The following KANSL1L variants were observed in gnomAD, a reference collection of about 807,000 sequenced individuals.
KANSL1L encodes KAT8 regulatory NSL complex subunit 1 like, also known as KAT8 regulatory NSL complex subunit 1-like protein.
A neutral mutation model predicts 108.6 loss-of-function variants in KANSL1L; 25 were observed. That is an observed-to-expected ratio of 0.23 (90% CI 0.17 to 0.32). The LOEUF (loss-of-function observed/expected upper bound fraction) is 0.32. KANSL1L is among the 10% of genes least tolerant of loss of function. The pLI, the probability that KANSL1L is intolerant of heterozygous loss-of-function variation, is 1.00. For missense variants in KANSL1L, 1,137 were observed against 1,125.7 expected (o/e 1.01, Z -0.14); for synonymous variants, 405 against 395.1 (o/e 1.03, Z -0.30).
chr2:210,070,224 CTT>C (rs71043971), intron 6 of KANSL1L, among the ~76,000 whole-genome samples: 2 of 77,542 alleles, frequency 2.6e-5, no homozygotes, highest in African/African-American at 5.7e-5. Context: ...TTTCTCCGTT[CTT>C]TTTTTTTTTT....
chr2:210,146,962 G>A (rs531188631), intron 2 of KANSL1L, among the ~76,000 whole-genome samples: 5 of 152,190 alleles, frequency 3.3e-5, no homozygotes, highest in African/African-American at 1.2e-4. Context: ...AAAGTCTGTA[G>A]ATATAGAAGT....
At chr2:210,144,641 A>AT (rs2095253071) in intron 2 of KANSL1L, among the ~76,000 whole-genome samples, 1 of 152,120 alleles carries the variant, frequency 6.6e-6, no homozygotes, top group South Asian at 2.1e-4. Flanking sequence ...CAGCTCCAGA[A>AT]TTTCTGCCTA....
intron 1 of KANSL1L, among the ~76,000 whole-genome samples, chr2:210,162,722 A>AGAT (rs1190670104): frequency 7.0e-5 from 1 of 14,308 alleles, no homozygotes; most frequent in Non-Finnish European, 5.4e-3. Flanking sequence ...AAAACTGAAA[A>AGAT]GATCATCGAG....
In KANSL1L at chr2:210,044,375, T is replaced by C. The variant is rs1439328384; in HGVS notation, c.1756-271A>G. ...ATAATATATAGCTTCTTCTAGTCTTTGATTATCTAAACATACTAGCTGGGA... is the reference window on the plus strand; with the variant it reads ...ATAATATATAGCTTCTTCTAGTCTTCGATTATCTAAACATACTAGCTGGGA... On this transcript the variant is annotated intron_variant, in intron 6 of 14. Coordinates refer to ENST00000281772, the MANE Select transcript of KANSL1L (RefSeq NM_152519.4). This position sits in a 1 kb window ranked among gnomAD's most constrained non-coding sequence, Gnocchi z 4.2. 6.6e-6 allele frequency among the ~76,000 whole-genome samples: 1 copy of C among 152,200 alleles called. No homozygotes were observed. Among genetic ancestry groups the C allele is most frequent in the East Asian group, 1.9e-4 (1 of 5,184 alleles).
rs1317924642 is a variant in KANSL1L, at chr2:210,098,588, C to T, written c.1429-381G>A. ...GCCAGGCATTATATTAGGCACCACA[C>T]ATAGAATATTTCAATCTTTACAACT... is the stretch of plus-strand genomic sequence containing the variant. On this transcript the variant is annotated intron_variant, in intron 4 of 14. Transcript: ENST00000281772. Among the ~76,000 whole-genome samples the T allele has an allele frequency of 2.6e-5, 4 of 152,046 alleles. No individual in the cohort carries two copies. In the East Asian group the frequency reaches 5.8e-4, roughly 22 times the overall value.
At chr2:210,081,625 A>G (rs2094590411) in intron 5 of KANSL1L, among the ~76,000 whole-genome samples, 1 of 152,208 alleles carries the variant, frequency 6.6e-6, no homozygotes, top group Non-Finnish European at 1.5e-5. Context: ...TCCTTGCATC[A>G]GAAATTCCTG....
At chr2:210,071,842 T>C (rs923964847) in intron 6 of KANSL1L, among the ~76,000 whole-genome samples, 1 of 152,154 alleles carries the variant, frequency 6.6e-6, no homozygotes, top group African/African-American at 2.4e-5. Flanking sequence ...TTGTTTTTGC[T>C]TTTCAATATT....
chr2:210,125,047 A>C (rs1274797495), intron 3 of KANSL1L, among the ~76,000 whole-genome samples: 1 of 152,144 alleles, frequency 6.6e-6, no homozygotes, highest in Non-Finnish European at 1.5e-5. Context: ...TGAGGTCAGG[A>C]GTTTGAGACC....
intron 2 of KANSL1L, among the ~76,000 whole-genome samples, chr2:210,146,012 G>A (rs1403292177): frequency 1.3e-5 from 2 of 152,046 alleles, no homozygotes; most frequent in East Asian, 1.9e-4. Context: ...GGGGTAGAGG[G>A]TGCAACCACA....
chr2:210,114,531 T>A (rs1173784907), intron 3 of KANSL1L, among the ~76,000 whole-genome samples: 1 of 152,116 alleles, frequency 6.6e-6, no homozygotes, highest in African/African-American at 2.4e-5. Flanking sequence ...AAGAAAAATC[T>A]CAATGAAGTT....
At chr2:210,086,737 T>C (rs1392546465) in intron 5 of KANSL1L, among the ~76,000 whole-genome samples, 8 of 152,054 alleles carry the variant, frequency 5.3e-5, no homozygotes, top group Non-Finnish European at 7.4e-5. Context: ...AAAAGTTCTA[T>C]ATGATCCACA....
rs2093900485 is a variant in KANSL1L, at chr2:210,024,106, G to A, written c.2660C>T (p.Pro887Leu). ...SSQQCAAASPPGLPSENQDLC... is the reference protein window; with the variant it reads ...SSQQCAAASPLGLPSENQDLC... ...ATCCTGGTTCTCTGAAGGAAGCCCA[G>A]GAGGACTTGCAGCAGCACATTGCTG... is the stretch of plus-strand genomic sequence containing the variant. The change falls in exon 14 of 15, where the codon CCT (proline) becomes CTT (leucine). Residue 887 changes from proline to leucine, a missense_variant. Coordinates refer to ENST00000281772, the MANE Select transcript of KANSL1L (RefSeq NM_152519.4). 1 of 1,609,316 alleles carries A rather than the reference G, an allele frequency of 6.2e-7. No homozygotes were observed. The highest frequency in any genetic ancestry group is 2.3e-5 in the East Asian group (1 of 44,380).
At chr2:210,101,735 C>A (rs2094795736) in intron 4 of KANSL1L, among the ~76,000 whole-genome samples, 1 of 152,110 alleles carries the variant, frequency 6.6e-6, no homozygotes, top group Non-Finnish European at 1.5e-5. Context: ...TTCATAAGTG[C>A]TTTGATTATG....
At chr2:210,048,590 CACAT>C (rs952018465) in intron 6 of KANSL1L, among the ~76,000 whole-genome samples, 11 of 151,960 alleles carry the variant, frequency 7.2e-5, no homozygotes, top group African/African-American at 1.5e-4. Flanking sequence ...TATACACACA[CACAT>C]ACATATACAC....
intron 5 of KANSL1L, among the ~76,000 whole-genome samples, chr2:210,093,923 T>A (rs1037030570): frequency 1.2e-4 from 18 of 152,178 alleles, no homozygotes; most frequent in Non-Finnish European, 2.1e-4. Flanking sequence ...ATAATGTAGA[T>A]AAATTTTGAT....
At chr2:210,059,241 A>G (rs2094393859) in intron 6 of KANSL1L, among the ~76,000 whole-genome samples, 1 of 152,122 alleles carries the variant, frequency 6.6e-6, no homozygotes, top group Admixed American at 6.6e-5. Flanking sequence ...GAAGGAAGCC[A>G]TTCTAGCTAA....
intron 3 of KANSL1L, among the ~76,000 whole-genome samples, 192 bp downstream of exon 3, chr2:210,128,839 T>C (rs1485241500): frequency 6.6e-6 from 1 of 152,176 alleles, no homozygotes; most frequent in Non-Finnish European, 1.5e-5. Context: ...TCAAAAAGTA[T>C]GATAAAATGA....
intron 1 of KANSL1L, among the ~76,000 whole-genome samples, chr2:210,168,589 T>C (rs1218973938): frequency 6.6e-6 from 1 of 152,022 alleles, no homozygotes; most frequent in African/African-American, 2.4e-5. Context: ...GACAGATGAA[T>C]GAGTAAAGGA....
intron 12 of KANSL1L, chr2:210,026,424 AATTC>A (rs2093937702): frequency 6.6e-6 from 1 of 152,218 alleles, no homozygotes; most frequent in Non-Finnish European, 1.5e-5. Flanking sequence ...AATTTTTCAT[AATTC>A]ATTTGGTGAC....
Sources: gnomAD v4.1 joint callset for allele counts (sites outside exome capture counted in the v4.1 genomes callset) on GRCh38, gnomAD v4.1.1 for gene constraint, Gnocchi (gnomAD v3.1) non-coding constraint, MANE v1.5 for transcripts, NCBI Gene and HGNC (gene_info 2026-07-23, HGNC 2026-07-21) for gene names.